The following WWP1 variants were observed in gnomAD, a reference collection of about 807,000 sequenced individuals.
WWP1 encodes WW domain containing E3 ubiquitin protein ligase 1.
In WWP1, 49 loss-of-function variants were observed where a neutral mutation model predicts 130.6. The observed-to-expected ratio is 0.38, with a 90% CI of 0.30 to 0.48. WWP1 has a LOEUF of 0.48. Ranked by LOEUF, WWP1 falls within the 20% of genes least tolerant of loss-of-function variation. The pLI, the probability that WWP1 is intolerant of heterozygous loss-of-function variation, is 0.99. For missense variants in WWP1, 809 were observed against 1,100.6 expected (o/e 0.74, Z 3.75); for synonymous variants, 332 against 367.8 (o/e 0.90, Z 1.11).
At position 86,461,558 on chromosome 8, in the gene WWP1, CG is replaced by C. The variant is rs1319995424; in HGVS notation, c.2597-215del. 3 of 623,670 alleles carry C rather than the reference CG, an allele frequency of 4.8e-6. No individual in the cohort carries two copies. The African/African-American group carries it at 5.6e-5, about 12-fold the overall frequency. 38.6% of individuals were successfully genotyped at this position (623,670 alleles called of 1,614,324 possible). A position where few individuals can be genotyped will look rare whatever the true frequency, so the allele number is the denominator to read the frequency against. On this transcript the variant is annotated intron_variant, in intron 23 of 24. Transcript: ENST00000517970. ...CTCCCTATGGTGACTGTGAAGGGAG[CG>C]ACATTCTGTAGAGAGAGTTTTCTTC...
chr8:86,413,386 G>A (rs1030048879), intron 9 of WWP1, among the ~76,000 whole-genome samples: 1 of 152,158 alleles, frequency 6.6e-6, no homozygotes, highest in Non-Finnish European at 1.5e-5. Flanking sequence ...TCGTCTAAGT[G>A]GTGGGGGAGG....
rs148266302 is a variant in WWP1 at position 86,404,281 on chromosome 8, G to A, written c.724+2078G>A. On this transcript the variant is annotated intron_variant, in intron 8 of 24. Coordinates refer to ENST00000517970, the MANE Select transcript of WWP1 (RefSeq NM_007013.4). ...GGATATTCAACTTGAATATGGATTT[G>A]GAGGTTTTGATCTTATTCCTAAAAT... 2.2e-3 allele frequency among the ~76,000 whole-genome samples: 330 copies of A among 152,260 alleles called. 4 individuals carry two copies. Among genetic ancestry groups the A allele is most frequent in the African/African-American group, 7.4e-3 (307 of 41,548 alleles).
intron 22 of WWP1, among the ~76,000 whole-genome samples, chr8:86,460,297 G>C (rs1422648135): frequency 1.3e-5 from 2 of 152,164 alleles, no homozygotes; most frequent in Non-Finnish European, 2.9e-5. Flanking sequence ...GTTTTCTGTA[G>C]GTTAAAGGGG....
intron 17 of WWP1, among the ~76,000 whole-genome samples, chr8:86,439,159 C>A (rs12543544): frequency 6.6e-6 from 1 of 151,668 alleles, no homozygotes; most frequent in Non-Finnish European, 1.5e-5. Flanking sequence ...CTGGCTAACA[C>A]GGTGAAACCC....
chr8:86,422,519 G>T (rs896993614), intron 9 of WWP1, among the ~76,000 whole-genome samples: 1 of 151,510 alleles, frequency 6.6e-6, no homozygotes, highest in Non-Finnish European at 1.5e-5. Context: ...GTGCCACCAT[G>T]GCTGGCTAAT....
chr8:86,466,974 G>A lies in WWP1; in HGVS notation c.*81G>A, dbSNP rs1470455329. 5.0e-6 allele frequency: 5 copies of A among 999,816 alleles called. No individual in the cohort carries two copies. Among genetic ancestry groups the A allele is most frequent in the African/African-American group, 5.0e-5 (3 of 60,276 alleles). 61.9% of individuals were successfully genotyped at this position (999,816 alleles called of 1,614,324 possible). ...ATTGCACAGATAGTGTATATAAGCT[G>A]TTCATTCTGTACAGTGAATTTTCCG... On this transcript the variant is annotated 3_prime_UTR_variant, in exon 25 of 25. Transcript: ENST00000517970.
At chr8:86,363,373 A>G (rs894966755) in intron 1 of WWP1, among the ~76,000 whole-genome samples, 2 of 152,048 alleles carry the variant, frequency 1.3e-5, no homozygotes, top group Non-Finnish European at 2.9e-5. Flanking sequence ...TTTTAGTTTG[A>G]TTATGTGGCA....
intron 1 of WWP1, among the ~76,000 whole-genome samples, chr8:86,365,964 C>T (rs1049995019): frequency 3.9e-5 from 6 of 152,182 alleles, no homozygotes; most frequent in Admixed American, 1.3e-4. Flanking sequence ...GTGATATTAA[C>T]GTGGCACTGG....
intron 5 of WWP1, among the ~76,000 whole-genome samples, chr8:86,382,281 AATT>A (rs1219520220): frequency 1.3e-5 from 2 of 152,188 alleles, no homozygotes; most frequent in African/African-American, 2.4e-5. Context: ...TTTAGAGTTT[AATT>A]ATTTGTAAAC....
At chr8:86,384,357 T>A (rs1292488124) in intron 5 of WWP1, among the ~76,000 whole-genome samples, 1 of 152,198 alleles carries the variant, frequency 6.6e-6, no homozygotes, top group Non-Finnish European at 1.5e-5. Flanking sequence ...CATTTATGGG[T>A]ATTAGTTTTA....
At chr8:86,412,859 A>G (rs1361344554) in intron 9 of WWP1, among the ~76,000 whole-genome samples, 1 of 151,768 alleles carries the variant, frequency 6.6e-6, no homozygotes, top group Non-Finnish European at 1.5e-5. Flanking sequence ...GCAGAGTTTC[A>G]TTCTTGTTGG....
rs183357773 is a variant in WWP1, at chr8:86,357,929, C to T, written c.-114-11010C>T. Among the ~76,000 whole-genome samples the T allele has an allele frequency of 2.1e-4, 32 of 152,192 alleles. No homozygotes were observed. The East Asian group carries it at 5.8e-3, about 28-fold the overall frequency. On this transcript the variant is annotated intron_variant, in intron 1 of 24. Transcript: ENST00000517970. ...GGCTTTCACGGCTTGGTGTTGGTAT[C>T]CTACCACCATTTGTCACAATGTTTC...
chr8:86,382,792 A>G (rs903423629), intron 5 of WWP1, among the ~76,000 whole-genome samples: 6 of 152,252 alleles, frequency 3.9e-5, no homozygotes, highest in Admixed American at 6.5e-5. Context: ...CCGTTGTCTG[A>G]CACTTAAGTA....
Position 86,394,933 on chromosome 8 carries a change from T to TAAAAAAAAA in WWP1, c.335-3395_335-3387dup, listed in dbSNP as rs10694206. ...CAAAAAGGTAGAGGGCTGTTCTTCT[T>TAAAAAAAAA]AAAAAAAAAAAAAAAAAAAAAAGCC... is the stretch of plus-strand genomic sequence containing the variant. On this transcript the variant is annotated intron_variant, in intron 5 of 24. Transcript: ENST00000517970. Among the ~76,000 whole-genome samples, 7 of 76,438 alleles carry TAAAAAAAAA rather than the reference T, an allele frequency of 9.2e-5. 2 individuals are homozygous for TAAAAAAAAA. Among genetic ancestry groups the TAAAAAAAAA allele is most frequent in the Non-Finnish European group, 1.2e-4 (5 of 41,706 alleles). 50.1% of individuals were successfully genotyped at this position (76,438 alleles called of 152,430 possible). A position where few individuals can be genotyped will look rare whatever the true frequency, so the allele number is the denominator to read the frequency against.
At chr8:86,448,350 GTA>G in intron 19 of WWP1, 21 bp from the exon 20 acceptor site, 1 of 1,603,078 alleles carries the variant, frequency 6.2e-7, no homozygotes, top group Non-Finnish European at 8.5e-7. Context: ...GTTAATTAGT[GTA>G]TATATATTTA....
chr8:86,429,584 A>G (rs889823089), intron 11 of WWP1, among the ~76,000 whole-genome samples: 1 of 152,212 alleles, frequency 6.6e-6, no homozygotes, highest in African/African-American at 2.4e-5. Flanking sequence ...ATGTGTTTTT[A>G]TGTATGTATG....
At chr8:86,353,529 G>T (rs1823069253) in intron 1 of WWP1, among the ~76,000 whole-genome samples, 1 of 151,738 alleles carries the variant, frequency 6.6e-6, no homozygotes, top group South Asian at 2.1e-4. Flanking sequence ...GTCTCACTCT[G>T]TTGCCCAGGC....
intron 1 of WWP1, among the ~76,000 whole-genome samples, chr8:86,367,342 T>G (rs1273154891): frequency 6.6e-6 from 1 of 152,232 alleles, no homozygotes; most frequent in Non-Finnish European, 1.5e-5. Context: ...GTCTTAACAC[T>G]GCAGAGTGTG....
intron 1 of WWP1, among the ~76,000 whole-genome samples, chr8:86,346,743 TATA>T (rs1227822587): frequency 6.6e-6 from 1 of 152,208 alleles, no homozygotes; most frequent in African/African-American, 2.4e-5. Context: ...ATGATACAAT[TATA>T]ATGAGCATTG....
Sources: allele counts gnomAD v4.1 joint callset (sites outside exome capture counted in the v4.1 genomes callset), GRCh38; gene constraint gnomAD v4.1.1; transcripts MANE v1.5; gene names NCBI Gene and HGNC (gene_info 2026-07-23, HGNC 2026-07-21).